The following SPATA9 variants were observed in gnomAD, a reference collection of about 807,000 sequenced individuals.
SPATA9 encodes spermatogenesis-associated protein 9.
A neutral mutation model predicts 25.5 loss-of-function variants in SPATA9; 27 were observed. The ratio of observed to expected loss-of-function variants is 1.06; its 90% CI spans 0.78 to 1.46. The LOEUF (loss-of-function observed/expected upper bound fraction) is 1.46. Among genes scored for constraint, SPATA9 ranks in the 40% most tolerant of loss-of-function variants. The pLI is 0.00. For synonymous variants in SPATA9, 102 were observed against 105.7 expected (o/e 0.97, Z 0.21); for missense variants, 282 against 297.5 (o/e 0.95, Z 0.38).
chr5:95,675,462 G>T lies in SPATA9; in HGVS notation c.328C>A (p.Arg110Ser), dbSNP rs140676515. Residue 110 changes from arginine (R) to serine (S), a missense_variant, in exon 3 of 5, where the codon CGT becomes AGT. Physicochemically the swap from Arg to Ser is moderately radical, Grantham distance 110 (BLOSUM62 -1). Coordinates refer to ENST00000274432, the MANE Select transcript of SPATA9 (RefSeq NM_031952.4). ...RLLELRDISG[R>S]LLREVNAPRQ... Reference sequence around the variant, plus strand: ...GGCGCATTAACTTCCCTCAGCAGACGACCAGATATGTCCCTTAGCTCTAAA... The same window carrying T: ...GGCGCATTAACTTCCCTCAGCAGACTACCAGATATGTCCCTTAGCTCTAAA... 3 of 1,614,084 alleles carry T rather than the reference G, an allele frequency of 1.9e-6. 1 individual carries two copies. In the South Asian group the frequency reaches 3.3e-5, roughly 18 times the overall value.
chr5:95,656,293 T>C (rs750615346), downstream of SPATA9: 1 of 1,608,668 alleles, frequency 6.2e-7, no homozygotes, highest in Non-Finnish European at 8.5e-7. Flanking sequence ...TTCAAAGTAA[T>C]TAAGAGTTCT....
the SPATA9 span, among the ~76,000 whole-genome samples, chr5:95,730,233 C>T: frequency 6.6e-6 from 1 of 152,178 alleles, no homozygotes; most frequent in African/African-American, 2.4e-5. Context: ...TCAATACCCC[C>T]TCTTTCATAC....
downstream of SPATA9, chr5:95,654,103 A>C: frequency 6.2e-7 from 1 of 1,611,866 alleles, no homozygotes; most frequent in African/African-American, 1.3e-5. Flanking sequence ...AAAAGAGGGA[A>C]TATTCTTCTG....
the SPATA9 span, among the ~76,000 whole-genome samples, chr5:95,714,736 C>CAAA: frequency 4.2e-3 from 580 of 138,028 alleles, 2 homozygotes; most frequent in Middle Eastern, 0.012. Context: ...AAATCAATTT[C>CAAA]AAAAAAAAAA....
At chr5:95,671,475 A>G (rs1752364591) in intron 3 of SPATA9, among the ~76,000 whole-genome samples, 1 of 152,140 alleles carries the variant, frequency 6.6e-6, no homozygotes, top group Non-Finnish European at 1.5e-5. Flanking sequence ...CAGTGGCACG[A>G]TCTTGGCTCA....
intron 1 of SPATA9, among the ~76,000 whole-genome samples, chr5:95,689,426 A>G (rs549288097): frequency 1.3e-5 from 2 of 152,296 alleles, no homozygotes; most frequent in Admixed American, 6.5e-5. Flanking sequence ...ATTTCAAAAT[A>G]CTTATTTTTA....
At chr5:95,675,369 T>C (rs370602552) in intron 3 of SPATA9, 43 bp downstream of exon 3, 16 of 1,521,324 alleles carry the variant, frequency 1.1e-5, no homozygotes, top group African/African-American at 5.6e-5. Flanking sequence ...AATTTAAAAG[T>C]TTCTTAAAAA....
At chr5:95,667,131 T>C (rs1751888153) in intron 3 of SPATA9, among the ~76,000 whole-genome samples, 1 of 152,190 alleles carries the variant, frequency 6.6e-6, no homozygotes, top group African/African-American at 2.4e-5. Flanking sequence ...TGAAAGTACA[T>C]ATGGTATTTT....
chr5:95,680,581 C>T (rs1235036300), intron 2 of SPATA9, among the ~76,000 whole-genome samples: 1 of 152,066 alleles, frequency 6.6e-6, no homozygotes, highest in Non-Finnish European at 1.5e-5. Flanking sequence ...ATGGCATTGT[C>T]GGGGGTTCTA....
chr5:95,693,534 T>A (rs535440654), intron 1 of SPATA9, among the ~76,000 whole-genome samples: 1 of 152,310 alleles, frequency 6.6e-6, no homozygotes, highest in South Asian at 2.1e-4. Context: ...CTAAACAATA[T>A]GTTAGAAGTA....
the SPATA9 span, among the ~76,000 whole-genome samples, chr5:95,709,708 A>G: frequency 2.0e-5 from 3 of 152,136 alleles, no homozygotes. Context: ...CCATCCAGAG[A>G]AGGTGTCTAC....
the SPATA9 span, among the ~76,000 whole-genome samples, chr5:95,709,573 G>C: frequency 1.3e-5 from 2 of 152,168 alleles, no homozygotes; most frequent in Admixed American, 6.5e-5. Flanking sequence ...AGCTATGGAC[G>C]AGGTGAAGGC....
intron 2 of SPATA9, among the ~76,000 whole-genome samples, chr5:95,679,633 C>A (rs867757430): frequency 6.6e-6 from 1 of 152,176 alleles, no homozygotes; most frequent in Non-Finnish European, 1.5e-5. Flanking sequence ...GCAGTTGCTT[C>A]CCCTGACACT....
At chr5:95,704,563 T>G in the SPATA9 span, among the ~76,000 whole-genome samples, 1 of 152,190 alleles carries the variant, frequency 6.6e-6, no homozygotes, top group African/African-American at 2.4e-5. Flanking sequence ...TTTAAATGAT[T>G]AATAAAATAA....
downstream of SPATA9, among the ~76,000 whole-genome samples, chr5:95,653,568 TCTCTAA>T (rs930245713): frequency 2.0e-5 from 3 of 152,084 alleles, no homozygotes; most frequent in Non-Finnish European, 4.4e-5. Context: ...TCTTTAAGAG[TCTCTAA>T]CGCAAAGTAA....
chr5:95,689,066 GA>G (rs1421156403), intron 1 of SPATA9, among the ~76,000 whole-genome samples: 1 of 151,874 alleles, frequency 6.6e-6, no homozygotes, highest in Non-Finnish European at 1.5e-5. Context: ...ATTATAGAAA[GA>G]AAACTTTTTC....
chr5:95,704,022 C>T, the SPATA9 span, among the ~76,000 whole-genome samples: 1 of 152,002 alleles, frequency 6.6e-6, no homozygotes, highest in East Asian at 1.9e-4. Context: ...CATGCAGATA[C>T]ACAAATAGAA....
At chr5:95,704,660 T>G in the SPATA9 span, among the ~76,000 whole-genome samples, 2 of 152,130 alleles carry the variant, frequency 1.3e-5, no homozygotes, top group African/African-American at 4.8e-5. Flanking sequence ...ATAAATATAT[T>G]GCCTTAGTCC....
intron 4 of SPATA9, among the ~76,000 whole-genome samples, chr5:95,663,063 T>C (rs1751418593): frequency 6.6e-6 from 1 of 152,202 alleles, no homozygotes; most frequent in African/African-American, 2.4e-5. Context: ...CACCAAAAGA[T>C]ATGTACAGGA....
Sources: gnomAD v4.1 joint callset for allele counts (sites outside exome capture counted in the v4.1 genomes callset) on GRCh38, gnomAD v4.1.1 for gene constraint, MANE v1.5 for transcripts, NCBI Gene and HGNC (gene_info 2026-07-23, HGNC 2026-07-21) for gene names.